The following HMGCLL1 variants were observed in gnomAD, a reference collection of about 807,000 sequenced individuals.
The protein encoded by HMGCLL1 is 3-hydroxy-3-methylglutaryl-CoA lyase like 1.
In HMGCLL1, 36 loss-of-function variants were observed where a neutral mutation model predicts 39.1. That is an observed-to-expected ratio of 0.92 (90% CI 0.71 to 1.22). HMGCLL1 has a LOEUF of 1.22. Ranked by LOEUF, HMGCLL1 falls within the 50% of genes most tolerant of loss-of-function variation. The probability of loss-of-function intolerance (pLI) is 0.00; values close to 1 mark genes in which losing one functional copy is unlikely to be tolerated. For synonymous variants in HMGCLL1, 149 were observed against 144.0 expected, an observed-to-expected ratio of 1.03 and a Z score of -0.25; for missense variants, 451 against 416.5, an observed-to-expected ratio of 1.08 and a Z score of -0.72.
At chr6:55,546,838 T>C (rs1456688059) in intron 1 of HMGCLL1, among the ~76,000 whole-genome samples, 7 of 152,208 alleles carry the variant, frequency 4.6e-5, no homozygotes, top group South Asian at 4.1e-4. Flanking sequence ...CAGTGTAGTA[T>C]ATGATACTAG....
chr6:55,505,764 G>A (rs1767123340), intron 5 of HMGCLL1, among the ~76,000 whole-genome samples: 1 of 151,666 alleles, frequency 6.6e-6, no homozygotes, highest in Non-Finnish European at 1.5e-5. Flanking sequence ...AGCTGTATAT[G>A]CCTGTGAGGT....
At chr6:55,492,339 C>T (rs549172550) in intron 7 of HMGCLL1, among the ~76,000 whole-genome samples, 3 of 152,218 alleles carry the variant, frequency 2.0e-5, no homozygotes, top group Admixed American at 6.5e-5. Context: ...TCTTCTTCTC[C>T]TCTAAAGTTA....
chr6:55,624,037 CAG>C, the HMGCLL1 span, among the ~76,000 whole-genome samples: 2 of 152,132 alleles, frequency 1.3e-5, no homozygotes, highest in African/African-American at 4.8e-5. Flanking sequence ...AACATCAGTT[CAG>C]AGCCAGTGTC....
chr6:55,665,381 C>T, the HMGCLL1 span, among the ~76,000 whole-genome samples: 1 of 151,612 alleles, frequency 6.6e-6, no homozygotes, highest in Non-Finnish European at 1.5e-5. Flanking sequence ...CTTGTTGAGT[C>T]ATCTATAAGT....
rs571131103 is a variant in HMGCLL1, at chr6:55,435,394, T to C, written c.*268A>G. ...TTTTCCCATCTACTAAATTAAAAAGTTATTTCTATGAGAGCAAAAGAAACT... is the reference window on the plus strand; with the variant it reads ...TTTTCCCATCTACTAAATTAAAAAGCTATTTCTATGAGAGCAAAAGAAACT... On this transcript the variant is annotated 3_prime_UTR_variant, in exon 9 of 9. Transcript: ENST00000274901. 3.5e-6 allele frequency: 1 copy of C among 282,138 alleles called. No individual in the cohort carries two copies. The highest frequency in any genetic ancestry group is 4.6e-5 in the Admixed American group (1 of 21,858). 17.5% of individuals were successfully genotyped at this position (282,138 alleles called of 1,614,324 possible). A position where few individuals can be genotyped will look rare whatever the true frequency, so the allele number is the denominator to read the frequency against.
intron 6 of HMGCLL1, among the ~76,000 whole-genome samples, chr6:55,498,183 A>C (rs1367510046): frequency 6.6e-6 from 1 of 152,154 alleles, no homozygotes; most frequent in Non-Finnish European, 1.5e-5. Flanking sequence ...GCTGGTAAGC[A>C]AAGGTGGATC....
chr6:55,595,127 T>G, the HMGCLL1 span, among the ~76,000 whole-genome samples: 1 of 152,216 alleles, frequency 6.6e-6, no homozygotes, highest in Non-Finnish European at 1.5e-5. Flanking sequence ...TTTTTAAGTA[T>G]TTACCAACTA....
intron 7 of HMGCLL1, among the ~76,000 whole-genome samples, chr6:55,468,232 G>C (rs1455431812): frequency 1.3e-5 from 2 of 151,900 alleles, no homozygotes; most frequent in African/African-American, 4.8e-5. Context: ...AATAAATTTA[G>C]GTTTAATGCT....
At chr6:55,564,683 T>C (rs1369955699) in intron 1 of HMGCLL1, among the ~76,000 whole-genome samples, 2 of 152,122 alleles carry the variant, frequency 1.3e-5, no homozygotes, top group Non-Finnish European at 1.5e-5. Context: ...AAATTTGATC[T>C]TTTTGATGAC....
chr6:55,607,517 G>C, the HMGCLL1 span, among the ~76,000 whole-genome samples: 1 of 152,116 alleles, frequency 6.6e-6, no homozygotes, highest in Non-Finnish European at 1.5e-5. Context: ...TGCCTGAGCT[G>C]CAGGCCACCT....
chr6:55,495,645 A>G, intron 6 of HMGCLL1, 38 bp from the exon 7 acceptor site: 11 of 1,496,634 alleles, frequency 7.3e-6, no homozygotes, highest in Non-Finnish European at 9.9e-6. Context: ...AATAATGGAA[A>G]TGAAGAGACT....
the HMGCLL1 span, among the ~76,000 whole-genome samples, chr6:55,605,822 TG>T: frequency 6.6e-6 from 1 of 152,170 alleles, no homozygotes; most frequent in African/African-American, 2.4e-5. Flanking sequence ...CCACTACAAA[TG>T]TTGCAATATT....
At position 55,486,685 on chromosome 6, in the gene HMGCLL1, T is replaced by C. The variant is rs141755253; in HGVS notation, c.795+8734A>G. 4.0e-3 allele frequency among the ~76,000 whole-genome samples: 605 copies of C among 152,232 alleles called. 7 individuals are homozygous for C. The highest frequency in any genetic ancestry group is 0.014 in the African/African-American group (568 of 41,560). On this transcript the variant is annotated intron_variant, in intron 7 of 8. Transcript: ENST00000274901. ...CATACACTCACAAGCAATTCTTAGTTTCACTGCTTCTGCATGGGAATAACC... is the reference window on the plus strand; with the variant it reads ...CATACACTCACAAGCAATTCTTAGTCTCACTGCTTCTGCATGGGAATAACC...
chr6:55,663,845 C>G, the HMGCLL1 span, among the ~76,000 whole-genome samples: 1 of 151,888 alleles, frequency 6.6e-6, no homozygotes, highest in South Asian at 2.1e-4. Flanking sequence ...CTTAATGAAT[C>G]TAGGTGCTCC....
chr6:55,597,872 G>A, the HMGCLL1 span, among the ~76,000 whole-genome samples: 4 of 152,076 alleles, frequency 2.6e-5, no homozygotes, highest in Non-Finnish European at 5.9e-5. Context: ...AAGAAATAGA[G>A]TTGAGATCTG....
intron 7 of HMGCLL1, among the ~76,000 whole-genome samples, chr6:55,477,197 TTATATAA>T (rs1765366778): frequency 3.5e-5 from 1 of 28,184 alleles, no homozygotes; most frequent in Non-Finnish European, 5.0e-5. Context: ...ATATTATATA[TTATATAA>T]TATATATTAT....
chr6:55,473,936 C>G (rs543617141), intron 7 of HMGCLL1, among the ~76,000 whole-genome samples: 138 of 151,580 alleles, frequency 9.1e-4, no homozygotes, highest in Admixed American at 1.3e-3. Flanking sequence ...ATTCTACTTT[C>G]TAGTTGCTTT....
chr6:55,561,452 C>T (rs896621951), intron 1 of HMGCLL1, among the ~76,000 whole-genome samples: 1 of 152,036 alleles, frequency 6.6e-6, no homozygotes, highest in African/African-American at 2.4e-5. Context: ...CTTTAATGTG[C>T]ATATGAATCC....
At chr6:55,623,942 A>G in the HMGCLL1 span, among the ~76,000 whole-genome samples, 1 of 152,094 alleles carries the variant, frequency 6.6e-6, no homozygotes, top group South Asian at 2.1e-4. Flanking sequence ...GTCAGACCTG[A>G]GCTAAAACTT....
Sources: allele counts gnomAD v4.1 joint callset (sites outside exome capture counted in the v4.1 genomes callset), GRCh38; gene constraint gnomAD v4.1.1; transcripts MANE v1.5; gene names NCBI Gene and HGNC (gene_info 2026-07-23, HGNC 2026-07-21).